ABCC12: variants seen among roughly 807,000 people sequenced by gnomAD.
ABCC12 encodes the protein ATP-binding cassette sub-family C member 12.
Under a neutral mutation model 151.1 loss-of-function variants are expected in ABCC12, and 142 were observed. That is an observed-to-expected ratio of 0.94 (90% CI 0.82 to 1.08). ABCC12 has a LOEUF of 1.08. Among genes scored for constraint, ABCC12 ranks in the 50% least tolerant of loss-of-function variants. ABCC12 has a pLI of 0.00. For synonymous variants in ABCC12, 645 were observed against 646.4 expected (o/e 1.00, Z 0.03); for missense variants, 1,638 against 1,691.1 (o/e 0.97, Z 0.55).
At position 48,082,927 on chromosome 16, in the gene ABCC12, T is replaced by C. The variant is rs372097948; in HGVS notation, c.*788A>G. The C allele has an allele frequency of 5.3e-5, 8 of 152,306 alleles. No individual in the cohort carries two copies. The highest frequency in any genetic ancestry group is 1.9e-4 in the African/African-American group (8 of 41,556). 9.4% of individuals were successfully genotyped at this position (152,306 alleles called of 1,614,324 possible). A position where few individuals can be genotyped will look rare whatever the true frequency, so the allele number is the denominator to read the frequency against. On this transcript the variant is annotated 3_prime_UTR_variant, in exon 31 of 31. Transcript: ENST00000311303. ...GCCTCCAGGTTGGAGAGAAAGCTTT[T>C]TGTTTGGTAAGCGACTGTGAAGGTT...
At chr16:48,123,784 T>TGGG (rs1964148828) in intron 12 of ABCC12, among the ~76,000 whole-genome samples, 1 of 152,180 alleles carries the variant, frequency 6.6e-6, no homozygotes, top group African/African-American at 2.4e-5. Flanking sequence ...GCAGAGAAGG[T>TGGG]GGGGGCATGA....
chr16:48,137,284 C>G (rs1191062861), intron 8 of ABCC12, among the ~76,000 whole-genome samples: 1 of 152,212 alleles, frequency 6.6e-6, no homozygotes, highest in Admixed American at 6.5e-5. Context: ...CTCATAAAAG[C>G]AGGAAACTTT....
chr16:48,133,050 T>A (rs767368861), intron 9 of ABCC12, among the ~76,000 whole-genome samples: 1 of 152,080 alleles, frequency 6.6e-6, no homozygotes, highest in South Asian at 2.1e-4. Flanking sequence ...TTTCTCAAAC[T>A]CTCCTTCTTG....
In ABCC12 at chr16:48,081,578, G is replaced by T. The variant is rs900787301; in HGVS notation, c.*2137C>A. On this transcript the variant is annotated 3_prime_UTR_variant, in exon 31 of 31. Transcript: ENST00000311303. The stretch of plus-strand genomic sequence containing the variant: ...ATCTGTAGATAAGTTACTAACCTCA[G>T]TGAGCCTCAAATCCCATCTCATGGG... Among the ~76,000 whole-genome samples the T allele has an allele frequency of 6.6e-6, 1 of 152,178 alleles. No individual in the cohort carries two copies. The highest frequency in any genetic ancestry group is 6.5e-5 in the Admixed American group (1 of 15,288).
At position 48,138,295 on chromosome 16, in the gene ABCC12, C is replaced by T. The variant is rs1394855787; in HGVS notation, c.912G>A (p.Glu304=). ...VTDKRVQTMN[E]FLTCIRLIKM... is the part of the protein sequence containing the mutation. ...TGATCAGCCTGATGCAGGTCAGAAA[C>T]TCATTCATTGTCTGAACTCGCTTGT... Residue 304 remains glutamate, a synonymous_variant, in exon 8 of 31, where the codon GAG becomes GAA. Coordinates refer to ENST00000311303, the MANE Select transcript of ABCC12 (RefSeq NM_001393797.1). 1.9e-6 allele frequency: 3 copies of T among 1,614,006 alleles called. No homozygotes were observed. Among genetic ancestry groups the T allele is most frequent in the South Asian group, 1.1e-5 (1 of 91,066 alleles).
intron 27 of ABCC12, 111 bp from the exon 28 acceptor site, chr16:48,086,930 G>T: frequency 1.1e-6 from 1 of 880,120 alleles, no homozygotes; most frequent in South Asian, 1.4e-5. Flanking sequence ...GGCATGTGAT[G>T]ACCTCGTGCT....
chr16:48,089,636 A>G (rs566953609), intron 25 of ABCC12, among the ~76,000 whole-genome samples: 2 of 152,362 alleles, frequency 1.3e-5, no homozygotes, highest in Non-Finnish European at 2.9e-5. Context: ...AACCTCATTT[A>G]GCTGAGAAAA....
chr16:48,140,972 G>C, intron 5 of ABCC12, 52 bp from the exon 6 acceptor site: 1 of 1,531,594 alleles, frequency 6.5e-7, no homozygotes, highest in Non-Finnish European at 9.0e-7. Flanking sequence ...GCTGAGGCTG[G>C]CATAGGAGGC....
chr16:48,088,545 C>T lies in ABCC12; in HGVS notation c.3475G>A (p.Gly1159Arg), dbSNP rs77775459. The change falls in exon 26 of 31, where the codon GGA becomes AGA. Residue 1159 changes from glycine to arginine, a missense_variant and splice_region_variant. Physicochemically the swap from Gly to Arg is moderately radical, Grantham distance 125. Coordinates refer to ENST00000311303, the MANE Select transcript of ABCC12 (RefSeq NM_001393797.1). ...TVGIVGRTGS[G>R]KSSLGMALFR... is the part of the protein sequence containing the mutation. ...AAACAAAAGCAGAGCTTGTCCTCAC[C>T]GGAACCTGTTCTTCCAACAATCCCG... 2.3e-3 allele frequency: 3,739 copies of T among 1,613,282 alleles called. 88 individuals are homozygous for T. The African/African-American group carries it at 0.043, about 18-fold the overall frequency.
intron 19 of ABCC12, 104 bp downstream of exon 19, chr16:48,108,336 A>G (rs903833646): frequency 4.5e-6 from 5 of 1,105,310 alleles, no homozygotes; most frequent in Non-Finnish European, 6.6e-6. Context: ...CCCTAGCATA[A>G]ACAGAATAAT....
At chr16:48,106,107 C>G (rs751318074) in intron 20 of ABCC12, among the ~76,000 whole-genome samples, 13 of 152,194 alleles carry the variant, frequency 8.5e-5, no homozygotes, top group Non-Finnish European at 1.8e-4. Flanking sequence ...GGGGAGCAAA[C>G]AAGCATCTTT....
At position 48,140,800 on chromosome 16, in the gene ABCC12, G is replaced by A; in HGVS notation, c.544C>T (p.Leu182Phe). 1 of 1,614,196 alleles carries A rather than the reference G, an allele frequency of 6.2e-7. No homozygotes were observed. Among genetic ancestry groups the A allele is most frequent in the Non-Finnish European group, 8.5e-7 (1 of 1,180,026 alleles). The stretch of plus-strand genomic sequence containing the variant: ...GTGCGGTAGTTGATGGCCCAGGCAA[G>A]GGCCCAAAAGAAGACTTTGGTAAAC... ...TEFTKVFFWA[L>F]AWAINYRTAI... Residue 182 changes from leucine to phenylalanine, a missense_variant, in exon 6 of 31, where the codon CTT becomes TTT. Leu to Phe is a conservative substitution (Grantham distance 22). Coordinates refer to ENST00000311303, the MANE Select transcript of ABCC12 (RefSeq NM_001393797.1).
Position 48,104,252 on chromosome 16 carries a change from A to G in ABCC12, c.2790T>C (p.Phe930=). ...DVRLPFHAEN[F]LQQFFMVVFI... ...ACACCACCATAAAAAACTGCTGCAG[A>G]AAGTTCTCTGCGTGAAACGGCAGCC... The change falls in exon 22 of 31, where the codon TTT becomes TTC. Residue 930 remains phenylalanine, a synonymous_variant. Coordinates refer to ENST00000311303, the MANE Select transcript of ABCC12 (RefSeq NM_001393797.1). The G allele has an allele frequency of 6.2e-7, 1 of 1,614,266 alleles. No individual in the cohort carries two copies. Among genetic ancestry groups the G allele is most frequent in the Non-Finnish European group, 8.5e-7 (1 of 1,180,050 alleles).
rs552607084 is a variant in ABCC12 at position 48,140,677 on chromosome 16, G to A, written c.657+10C>T. The A allele has an allele frequency of 2.5e-6, 4 of 1,612,742 alleles. No individual in the cohort carries two copies. In the Admixed American group the frequency reaches 5.0e-5, roughly 20 times the overall value. On this transcript the variant is annotated intron_variant, in intron 6 of 30. Coordinates refer to ENST00000311303, the MANE Select transcript of ABCC12 (RefSeq NM_001393797.1). ...ATTTTCCAACATTAAACTCCTCTGA[G>A]CCAGCTTACCTCGCCAACAGAGATG...
intron 21 of ABCC12, 71 bp downstream of exon 21, chr16:48,105,068 G>T: frequency 1.3e-6 from 2 of 1,560,830 alleles, no homozygotes; most frequent in Non-Finnish European, 1.8e-6. Flanking sequence ...ACCATGCCTG[G>T]CACACTGCAG....
chr16:48,088,217 G>A, intron 26 of ABCC12, 132 bp from the exon 27 acceptor site: 1 of 1,118,964 alleles, frequency 8.9e-7, no homozygotes, highest in Non-Finnish European at 1.3e-6. Context: ...GACAGAAAGT[G>A]TCCTCACCAG....
intron 11 of ABCC12, among the ~76,000 whole-genome samples, chr16:48,125,039 A>G (rs1217041562): frequency 1.3e-5 from 2 of 152,196 alleles, no homozygotes; most frequent in Non-Finnish European, 2.9e-5. Context: ...GGTACAAGGA[A>G]AGCCTTACTG....
At chr16:48,102,983 C>T (rs1963359867) in intron 22 of ABCC12, among the ~76,000 whole-genome samples, 1 of 152,218 alleles carries the variant, frequency 6.6e-6, no homozygotes, top group South Asian at 2.1e-4. Context: ...CTCATTAATT[C>T]TCTCACACAG....
Position 48,088,533 on chromosome 16 carries a change from G to C in ABCC12, c.3475+12C>G. Reference sequence around the variant, plus strand: ...ACAACCCAAAAGAAACAAAAGCAGAGCTTGTCCTCACCGGAACCTGTTCTT... The same window carrying C: ...ACAACCCAAAAGAAACAAAAGCAGACCTTGTCCTCACCGGAACCTGTTCTT... On this transcript the variant is annotated intron_variant, in intron 26 of 30. Coordinates refer to ENST00000311303, the MANE Select transcript of ABCC12 (RefSeq NM_001393797.1). 6.2e-7 allele frequency: 1 copy of C among 1,612,090 alleles called. No homozygotes were observed. Among genetic ancestry groups the C allele is most frequent in the Non-Finnish European group, 8.5e-7 (1 of 1,178,800 alleles).
Sources: allele counts gnomAD v4.1 joint callset (sites outside exome capture counted in the v4.1 genomes callset), GRCh38; gene constraint gnomAD v4.1.1; transcripts MANE v1.5; gene names NCBI Gene and HGNC (gene_info 2026-07-23, HGNC 2026-07-21).